Variants in CFAP299 observed in about 807,000 individuals in gnomAD.
CFAP299 encodes the protein cilia and flagella associated protein 299, also known as cilia- and flagella-associated protein 299.
A neutral mutation model predicts 27.0 loss-of-function variants in CFAP299; 21 were observed. The ratio of observed to expected loss-of-function variants is 0.78; its 90% CI spans 0.55 to 1.12. The LOEUF is 1.12. CFAP299 is among the 50% of genes most tolerant of loss of function. The pLI is 0.00. For missense variants in CFAP299, 310 were observed against 276.6 expected (o/e 1.12, Z -0.86); for synonymous variants, 104 against 98.1 (o/e 1.06, Z -0.36).
rs1359921333 is a variant in CFAP299 at position 80,463,538 on chromosome 4, A to G, written c.242+100654A>G. On this transcript the variant is annotated intron_variant, in intron 2 of 5. Transcript: ENST00000358105. ...TAACTTAAATAACAGACTTATTTTT[A>G]TACAGTTCTGGTGCATAGACGTCCA... Among the ~76,000 whole-genome samples, 7 of 152,158 alleles carry G rather than the reference A, an allele frequency of 4.6e-5. No individual in the cohort carries two copies. In the East Asian group the frequency reaches 1.3e-3, roughly 29 times the overall value.
intron 3 of CFAP299, among the ~76,000 whole-genome samples, chr4:80,844,171 G>T (rs1252399459): frequency 6.6e-6 from 1 of 152,060 alleles, no homozygotes; most frequent in Non-Finnish European, 1.5e-5. Flanking sequence ...CATTTGGGTT[G>T]GTTCCAAGTC....
intron 3 of CFAP299, among the ~76,000 whole-genome samples, chr4:80,618,998 T>C (rs916087168): frequency 2.0e-5 from 3 of 152,172 alleles, no homozygotes; most frequent in Non-Finnish European, 2.9e-5. Flanking sequence ...ATTTATTACT[T>C]AAGGGATCTT....
chr4:80,632,624 A>G (rs746426057), intron 3 of CFAP299, among the ~76,000 whole-genome samples: 19 of 152,166 alleles, frequency 1.2e-4, no homozygotes, highest in Non-Finnish European at 2.1e-4. Context: ...ATTAACTTAC[A>G]TATATATACA....
intron 2 of CFAP299, among the ~76,000 whole-genome samples, chr4:80,380,422 ATTTTTTTTTTT>A (rs10701207): frequency 1.0e-5 from 1 of 96,134 alleles, no homozygotes; most frequent in Non-Finnish European, 1.9e-5. Flanking sequence ...TGTGTCTCAC[ATTTTTTTTTTT>A]TTTTTTTTTT....
intron 3 of CFAP299, among the ~76,000 whole-genome samples, chr4:80,626,488 A>T (rs888854895): frequency 6.6e-6 from 1 of 151,848 alleles, no homozygotes; most frequent in Non-Finnish European, 1.5e-5. Context: ...AAAAAACAGG[A>T]ATAAACTAAG....
At chr4:80,878,944 A>G (rs1368623943) in intron 4 of CFAP299, among the ~76,000 whole-genome samples, 6 of 152,152 alleles carry the variant, frequency 3.9e-5, no homozygotes, top group Non-Finnish European at 2.9e-5. Context: ...TGGAAAACTT[A>G]ATTTTATTTT....
intron 2 of CFAP299, chr4:80,387,006 G>T: frequency 8.5e-7 from 1 of 1,183,404 alleles, no homozygotes; most frequent in Non-Finnish European, 1.3e-6. Flanking sequence ...GCGGTGGGTT[G>T]GCAGATGACG....
At chr4:80,553,036 A>G (rs1012543333) in intron 2 of CFAP299, among the ~76,000 whole-genome samples, 85 of 151,922 alleles carry the variant, frequency 5.6e-4, no homozygotes, top group African/African-American at 1.9e-3. Context: ...TTTGGGATAC[A>G]CATGAAGGTT....
At chr4:80,504,500 TA>T (rs1560598392) in intron 2 of CFAP299, among the ~76,000 whole-genome samples, 114 of 130,844 alleles carry the variant, frequency 8.7e-4, no homozygotes, top group Non-Finnish European at 1.4e-3. Flanking sequence ...TATATATATA[TA>T]TATATTTTCC....
intron 5 of CFAP299, among the ~76,000 whole-genome samples, chr4:80,960,857 A>G (rs1235919278): frequency 6.6e-6 from 1 of 151,908 alleles, no homozygotes; most frequent in Non-Finnish European, 1.5e-5. Context: ...TTTTAAAGAG[A>G]CAAAATTAAT....
intron 3 of CFAP299, among the ~76,000 whole-genome samples, chr4:80,848,970 T>C (rs949502126): frequency 1.3e-5 from 2 of 152,126 alleles, no homozygotes; most frequent in Non-Finnish European, 1.5e-5. Context: ...TACACTTAAG[T>C]GACACTAAAT....
chr4:80,509,369 G>T (rs550150822), intron 2 of CFAP299, among the ~76,000 whole-genome samples: 29 of 152,234 alleles, frequency 1.9e-4, no homozygotes, highest in Admixed American at 4.6e-4. Context: ...TGCTTACAGA[G>T]GAAACAAAAT....
intron 3 of CFAP299, among the ~76,000 whole-genome samples, chr4:80,751,424 C>T (rs1000430958): frequency 2.6e-5 from 4 of 152,118 alleles, no homozygotes; most frequent in Non-Finnish European, 5.9e-5. Context: ...GCTGGAATGG[C>T]TGAGTCAACC....
At chr4:80,455,280 C>G (rs1434273604) in intron 2 of CFAP299, among the ~76,000 whole-genome samples, 2 of 152,106 alleles carry the variant, frequency 1.3e-5, no homozygotes, top group Non-Finnish European at 2.9e-5. Flanking sequence ...ATTAGTTTCG[C>G]CTACACCCAG....
At chr4:80,861,495 T>C (rs2110159352) in intron 3 of CFAP299, among the ~76,000 whole-genome samples, 1 of 152,344 alleles carries the variant, frequency 6.6e-6, no homozygotes, top group Admixed American at 6.5e-5. Context: ...ATCACCCGTC[T>C]TCTGCGTCAC....
intron 2 of CFAP299, among the ~76,000 whole-genome samples, chr4:80,480,787 A>AT (rs952489340): frequency 1.3e-5 from 2 of 151,950 alleles, no homozygotes; most frequent in African/African-American, 4.8e-5. Context: ...CTGGTACTTG[A>AT]TTTTTTCTGA....
chr4:80,626,761 A>T (rs1311424943), intron 3 of CFAP299, among the ~76,000 whole-genome samples: 1 of 151,732 alleles, frequency 6.6e-6, no homozygotes, highest in African/African-American at 2.4e-5. Context: ...AGTAACCTAG[A>T]GAAACAGATA....
chr4:80,592,968 G>GAATTTCTTTACAAAAAAAAATTTTCAC (rs1736859532), intron 3 of CFAP299, among the ~76,000 whole-genome samples: 1 of 152,130 alleles, frequency 6.6e-6, no homozygotes, highest in Admixed American at 6.6e-5. Flanking sequence ...ATAATTCAAT[G>GAATTTCTTTACAAAAAAAAATTTTCAC]CTCTTTACAA....
intron 3 of CFAP299, among the ~76,000 whole-genome samples, chr4:80,677,402 A>G (rs980915603): frequency 6.6e-6 from 1 of 152,052 alleles, no homozygotes; most frequent in African/African-American, 2.4e-5. Context: ...ATATTTACTA[A>G]GTTGTATGCA....
Sources: gnomAD v4.1 joint callset for allele counts (sites outside exome capture counted in the v4.1 genomes callset) on GRCh38, gnomAD v4.1.1 for gene constraint, MANE v1.5 for transcripts, NCBI Gene and HGNC (gene_info 2026-07-23, HGNC 2026-07-21) for gene names.